AFF3: variants seen among roughly 807,000 people sequenced by gnomAD.
AFF3 encodes the protein ALF transcription elongation factor 3, also known as AF4/FMR2 family member 3.
In AFF3, 32 loss-of-function variants were observed where a neutral mutation model predicts 129.7. That is an observed-to-expected ratio of 0.25 (90% CI 0.19 to 0.33). AFF3 has a LOEUF of 0.33. Ranked by LOEUF, AFF3 falls within the 10% of genes least tolerant of loss-of-function variation. The pLI, the probability that AFF3 is intolerant of heterozygous loss-of-function variation, is 1.00. For synonymous variants in AFF3, 644 were observed against 635.4 expected, an observed-to-expected ratio of 1.01 and a Z score of -0.20; for missense variants, 1,373 against 1,592.0, an observed-to-expected ratio of 0.86 and a Z score of 2.34.
chr2:99,632,645 G>A (rs1683236293), intron 13 of AFF3, among the ~76,000 whole-genome samples: 2 of 152,120 alleles, frequency 1.3e-5, no homozygotes, highest in African/African-American at 2.4e-5. Context: ...CATCTACCCA[G>A]CTGCCTGTCT....
In AFF3 at chr2:100,036,978, G is replaced by C. The variant is rs141481777; in HGVS notation, c.54-28046C>G. Among the ~76,000 whole-genome samples the C allele has an allele frequency of 4.8e-3, 727 of 152,278 alleles. 3 individuals are homozygous for C. The highest frequency in any genetic ancestry group is 0.014 in the Middle Eastern group (4 of 294). ...GCGGCAGGAGGTCTCATGCGCTCCT[G>C]GTGACAGCCAAACAGGTAAAATCCT... is the stretch of plus-strand genomic sequence containing the variant. On this transcript the variant is annotated intron_variant, in intron 4 of 24. Transcript: ENST00000672756.
chr2:99,767,603 T>C (rs1356392870), intron 8 of AFF3, among the ~76,000 whole-genome samples: 2 of 152,202 alleles, frequency 1.3e-5, no homozygotes, highest in African/African-American at 2.4e-5. Flanking sequence ...TGGCATAATG[T>C]AATATAACAT....
chr2:99,614,917 T>C (rs1436414183), intron 13 of AFF3, among the ~76,000 whole-genome samples: 1 of 152,194 alleles, frequency 6.6e-6, no homozygotes, highest in African/African-American at 2.4e-5. Flanking sequence ...CCACCAAAGA[T>C]AAAGGCATTT....
rs1312787837 is a variant in AFF3 at position 99,546,937 on chromosome 2, C to T, written c.*4537G>A. 5 of 220,710 alleles carry T rather than the reference C, an allele frequency of 2.3e-5. No individual in the cohort carries two copies. Among genetic ancestry groups the T allele is most frequent in the East Asian group, 2.0e-4 (3 of 15,172 alleles). 13.7% of individuals were successfully genotyped at this position (220,710 alleles called of 1,614,324 possible). ...TGAGCCTTCACTGGGACACTGGGAG[C>T]GTGCATGTGCATACGTGCATGCATG... On this transcript the variant is annotated 3_prime_UTR_variant, in exon 25 of 25. Transcript: ENST00000672756.
intron 13 of AFF3, among the ~76,000 whole-genome samples, chr2:99,644,171 T>C (rs1238212591): frequency 6.6e-6 from 1 of 152,244 alleles, no homozygotes; most frequent in Non-Finnish European, 1.5e-5. Context: ...TACTGCCAGA[T>C]GGGCAGACAG....
At chr2:99,786,280 C>T (rs963283994) in intron 8 of AFF3, among the ~76,000 whole-genome samples, 12 of 152,082 alleles carry the variant, frequency 7.9e-5, no homozygotes, top group Non-Finnish European at 1.5e-4. Context: ...AGATTGATAA[C>T]GGTATTTGAC....
chr2:99,846,692 T>A (rs974427894), intron 7 of AFF3, among the ~76,000 whole-genome samples: 9 of 152,264 alleles, frequency 5.9e-5, no homozygotes, highest in African/African-American at 2.2e-4. Context: ...CTTTTAGCCA[T>A]GAATGGAAAT....
intron 8 of AFF3, among the ~76,000 whole-genome samples, chr2:99,752,820 G>A (rs767643331): frequency 1.6e-4 from 25 of 152,088 alleles, no homozygotes; most frequent in Non-Finnish European, 3.4e-4. Flanking sequence ...AACAAATCAC[G>A]CCTATGAAAT....
chr2:99,687,397 G>A (rs1021514334), intron 11 of AFF3, among the ~76,000 whole-genome samples: 1 of 152,178 alleles, frequency 6.6e-6, no homozygotes, highest in Non-Finnish European at 1.5e-5. Flanking sequence ...GGCCAGATGC[G>A]GGAGAAGGAG....
At chr2:99,678,291 T>C (rs1674196437) in intron 11 of AFF3, among the ~76,000 whole-genome samples, 1 of 152,258 alleles carries the variant, frequency 6.6e-6, no homozygotes. Flanking sequence ...GTTTTCTTAA[T>C]TGAGCAAGTG....
intron 10 of AFF3, 129 bp from the exon 11 acceptor site, chr2:99,727,257 C>T: frequency 3.2e-6 from 3 of 930,644 alleles, no homozygotes; most frequent in Admixed American, 3.2e-5. Flanking sequence ...GCTTTTAAAA[C>T]ATCTTTTATT....
intron 7 of AFF3, among the ~76,000 whole-genome samples, chr2:99,938,010 T>C (rs1674685248): frequency 6.6e-6 from 1 of 152,188 alleles, no homozygotes; most frequent in African/African-American, 2.4e-5. Context: ...GGATCCTGGC[T>C]CCATCATTCA....
At position 99,574,536 on chromosome 2, in the gene AFF3, T is replaced by C. The variant is rs570809026; in HGVS notation, c.2918+3791A>G. 1.6e-4 allele frequency among the ~76,000 whole-genome samples: 24 copies of C among 151,608 alleles called. No individual in the cohort carries two copies. The South Asian group carries it at 4.6e-3, about 29-fold the overall frequency. Reference sequence around the variant, plus strand: ...CCTGCATGTAGATTCCTTATAGTCATAGAAAAAAAAAATTGCAGGCACTCT... The same window carrying C: ...CCTGCATGTAGATTCCTTATAGTCACAGAAAAAAAAAATTGCAGGCACTCT... On this transcript the variant is annotated intron_variant, in intron 18 of 24. Transcript: ENST00000672756.
At chr2:99,649,692 T>A in intron 12 of AFF3, 26 bp from the exon 13 acceptor site, 1 of 1,613,450 alleles carries the variant, frequency 6.2e-7, no homozygotes, top group Non-Finnish European at 8.5e-7. Flanking sequence ...GGCAGAGATG[T>A]TTATTTAATA....
chr2:99,751,226 T>C (rs1681626968), intron 9 of AFF3, among the ~76,000 whole-genome samples: 1 of 152,164 alleles, frequency 6.6e-6, no homozygotes, highest in South Asian at 2.1e-4. Flanking sequence ...CTCAAGTAGC[T>C]GGGATTACAT....
At chr2:100,011,735 G>A (rs1009520538) in intron 4 of AFF3, among the ~76,000 whole-genome samples, 2 of 152,152 alleles carry the variant, frequency 1.3e-5, no homozygotes, top group Admixed American at 6.5e-5. Context: ...CAAAGGAAGG[G>A]ACAACAGTAG....
chr2:99,794,562 A>G (rs1024442303), intron 8 of AFF3, among the ~76,000 whole-genome samples: 1 of 152,066 alleles, frequency 6.6e-6, no homozygotes, highest in African/African-American at 2.4e-5. Flanking sequence ...GTGGAATTTC[A>G]TATTATGCAT....
rs1676726298 is a variant in AFF3 at position 99,957,143 on chromosome 2, ATACGTGTGTGTGTGTGTGTGCATG to A, written c.873+49465_873+49488del. On this transcript the variant is annotated intron_variant, in intron 7 of 24. Coordinates refer to ENST00000672756, the MANE Select transcript of AFF3 (RefSeq NM_001386135.1). ...TCACATTCACAGGCTGTGTGTGGAC[ATACGTGTGTGTGTGTGTGTGCATG>A]TACGTGTGTGTGTGCGTGTGTGTGT... 4.1e-5 allele frequency among the ~76,000 whole-genome samples: 6 copies of A among 147,808 alleles called. No homozygotes were observed. In the South Asian group the frequency reaches 1.2e-3, roughly 31 times the overall value.
chr2:99,928,449 A>G (rs1418086685), intron 7 of AFF3, among the ~76,000 whole-genome samples: 1 of 152,204 alleles, frequency 6.6e-6, no homozygotes, highest in Non-Finnish European at 1.5e-5. Context: ...GGGAAAGCTG[A>G]TATTTCCAGG....
Sources: allele counts gnomAD v4.1 joint callset (sites outside exome capture counted in the v4.1 genomes callset), GRCh38; gene constraint gnomAD v4.1.1; transcripts MANE v1.5; gene names NCBI Gene and HGNC (gene_info 2026-07-23, HGNC 2026-07-21).